SPSB1: variants seen among roughly 807,000 people sequenced by gnomAD.
SPSB1 encodes the protein SPRY domain-containing SOCS box protein 1.
Under a neutral mutation model 21.2 loss-of-function variants are expected in SPSB1, and 8 were observed. The observed-to-expected ratio is 0.38, with a 90% CI of 0.22 to 0.68. The LOEUF is 0.68. Ranked by LOEUF, SPSB1 falls within the 30% of genes least tolerant of loss-of-function variation. The pLI is 0.53. For missense variants in SPSB1, 242 were observed against 377.8 expected (o/e 0.64, Z 2.98); for synonymous variants, 169 against 161.7 (o/e 1.05, Z -0.34).
At chr1:9,359,872 C>A (rs1640441273) in intron 2 of SPSB1, among the ~76,000 whole-genome samples, 1 of 150,278 alleles carries the variant, frequency 6.7e-6, no homozygotes. Flanking sequence ...CGGGGGCGGC[C>A]CGGTTCCGGG....
intron 1 of SPSB1, 106 bp from the exon 2 acceptor site, chr1:9,355,637 G>A (rs1414643800): frequency 3.3e-6 from 4 of 1,194,894 alleles, no homozygotes; most frequent in Non-Finnish European, 3.2e-6. Context: ...CAGAGCCCAG[G>A]TGCAGGCTGC....
At chr1:9,310,205 C>A (rs1371544907) in intron 1 of SPSB1, among the ~76,000 whole-genome samples, 1 of 152,044 alleles carries the variant, frequency 6.6e-6, no homozygotes, top group East Asian at 1.9e-4. Flanking sequence ...CCTGCACCTG[C>A]CGTGGGAAGG....
intron 2 of SPSB1, among the ~76,000 whole-genome samples, chr1:9,359,850 G>GGT (rs1553128814): frequency 2.6e-5 from 4 of 151,192 alleles, no homozygotes; most frequent in African/African-American, 4.9e-5. Context: ...TGGAAGCCGG[G>GGT]GGGGTGGGTG....
rs1640372500 is a variant in SPSB1 at position 9,356,882 on chromosome 1, ATGAG to A, written c.694+301_694+304del. On this transcript the variant is annotated intron_variant, in intron 2 of 2. Transcript: ENST00000328089. This position sits in a 1 kb window ranked among gnomAD's most constrained non-coding sequence, Gnocchi z 7.4. ...GGATGGATGATGAATAGATGGATAG[ATGAG>A]TGAATAATGGATGGATGCGTGTATA... Among the ~76,000 whole-genome samples, 1 of 151,990 alleles carries A rather than the reference ATGAG, an allele frequency of 6.6e-6. No individual in the cohort carries two copies. The highest frequency in any genetic ancestry group is 1.5e-5 in the Non-Finnish European group (1 of 67,986).
At chr1:9,322,819 C>T (rs1010284117) in intron 1 of SPSB1, among the ~76,000 whole-genome samples, 3 of 152,208 alleles carry the variant, frequency 2.0e-5, no homozygotes, top group African/African-American at 2.4e-5. Context: ...GCAGCCCTGA[C>T]GTGTAGGGAA....
chr1:9,300,118 G>A (rs907017401), intron 1 of SPSB1, among the ~76,000 whole-genome samples: 1 of 152,078 alleles, frequency 6.6e-6, no homozygotes, highest in African/African-American at 2.4e-5. Context: ...ACTGAAATTC[G>A]GGGACCTTCT....
chr1:9,329,840 C>T (rs775647147), intron 1 of SPSB1, among the ~76,000 whole-genome samples: 8 of 151,932 alleles, frequency 5.3e-5, no homozygotes, highest in East Asian at 1.9e-4. Context: ...TAGAAGAGAG[C>T]GTTCTGTGGG....
At position 9,356,841 on chromosome 1, in the gene SPSB1, G is replaced by T. The variant is rs1410153313; in HGVS notation, c.694+256G>T. ...ATGGATGATGAATGAATAGATGGAT[G>T]AATGATTGGTTGGATGGATGGATGA... On this transcript the variant is annotated intron_variant, in intron 2 of 2. Transcript: ENST00000328089. The surrounding 1 kb of genome is among the most constrained non-coding windows in gnomAD (Gnocchi z 7.4). Among the ~76,000 whole-genome samples, 1 of 152,194 alleles carries T rather than the reference G, an allele frequency of 6.6e-6. No individual in the cohort carries two copies. Among genetic ancestry groups the T allele is most frequent in the East Asian group, 1.9e-4 (1 of 5,196 alleles).
At chr1:9,308,832 C>T (rs1457144982) in intron 1 of SPSB1, among the ~76,000 whole-genome samples, 4 of 152,174 alleles carry the variant, frequency 2.6e-5, no homozygotes, top group East Asian at 1.9e-4. Context: ...TTTTCTACTG[C>T]GACAGTGGAA....
chr1:9,320,111 G>A (rs1639692986), intron 1 of SPSB1, among the ~76,000 whole-genome samples: 2 of 152,306 alleles, frequency 1.3e-5, no homozygotes, highest in South Asian at 4.1e-4. Flanking sequence ...CAGGTGTCCA[G>A]GCGTCTGCTT....
At chr1:9,357,101 A>ATGAG (rs1237210689) in intron 2 of SPSB1, among the ~76,000 whole-genome samples, 2 of 91,736 alleles carry the variant, frequency 2.2e-5, no homozygotes, top group Non-Finnish European at 4.8e-5. Flanking sequence ...GGATGGATGG[A>ATGAG]TGGATGGATG....
chr1:9,297,709 T>C (rs907041860), intron 1 of SPSB1, among the ~76,000 whole-genome samples: 7 of 152,184 alleles, frequency 4.6e-5, no homozygotes, highest in Non-Finnish European at 1.0e-4. Flanking sequence ...GATGACCCAC[T>C]GTGAGTAAGT....
intron 1 of SPSB1, among the ~76,000 whole-genome samples, chr1:9,296,720 T>C (rs1023324354): frequency 6.6e-6 from 1 of 152,166 alleles, no homozygotes; most frequent in Admixed American, 6.6e-5. Flanking sequence ...AAGCATCACA[T>C]CTCAAAGAGG....
Position 9,312,445 on chromosome 1 carries a change from C to T in SPSB1, c.-150+19374C>T, listed in dbSNP as rs542901957. ...CTGTGGAGGTATTATGCACACGCCA[C>T]GCAGTTCGCCTATTGTAAATGTACA... On this transcript the variant is annotated intron_variant, in intron 1 of 2. Coordinates refer to ENST00000328089, the MANE Select transcript of SPSB1 (RefSeq NM_025106.4). Among the ~76,000 whole-genome samples, 7 of 152,256 alleles carry T rather than the reference C, an allele frequency of 4.6e-5. No homozygotes were observed. The East Asian group carries it at 1.2e-3, about 25-fold the overall frequency.
At chr1:9,362,298 G>C (rs1434071249) in intron 2 of SPSB1, among the ~76,000 whole-genome samples, 2 of 152,198 alleles carry the variant, frequency 1.3e-5, no homozygotes, top group African/African-American at 2.4e-5. Flanking sequence ...CAGAGTTTGG[G>C]GGGGATAGGG....
chr1:9,294,301 C>T (rs922074837), intron 1 of SPSB1, among the ~76,000 whole-genome samples: 10 of 147,522 alleles, frequency 6.8e-5, no homozygotes, highest in African/African-American at 2.0e-4. Context: ...TCTCTGAGTG[C>T]GTCTGTGTAT....
rs1472504334 is a variant in SPSB1, at chr1:9,356,702, G to T, written c.694+117G>T. On this transcript the variant is annotated intron_variant, in intron 2 of 2. Transcript: ENST00000328089. This position sits in a 1 kb window ranked among gnomAD's most constrained non-coding sequence, Gnocchi z 7.4. Reference sequence around the variant, plus strand: ...AGAGTGTTTTGAAGACGATATTCCAGTGTATTCAGACCCTCAGAGGCAACT... The same window carrying T: ...AGAGTGTTTTGAAGACGATATTCCATTGTATTCAGACCCTCAGAGGCAACT... The T allele has an allele frequency of 1.4e-6, 2 of 1,445,408 alleles. No individual in the cohort carries two copies. The highest frequency in any genetic ancestry group is 1.4e-5 in the African/African-American group (1 of 70,558). 89.5% of individuals were successfully genotyped at this position (1,445,408 alleles called of 1,614,324 possible).
intron 1 of SPSB1, among the ~76,000 whole-genome samples, chr1:9,353,315 C>G (rs750821393): frequency 2.6e-5 from 4 of 152,118 alleles, no homozygotes; most frequent in Non-Finnish European, 4.4e-5. Context: ...CCAGACCCAG[C>G]TCTCTCCCCC....
chr1:9,332,901 G>A (rs1293053842), intron 1 of SPSB1, among the ~76,000 whole-genome samples: 5 of 152,192 alleles, frequency 3.3e-5, no homozygotes, highest in East Asian at 1.9e-4. Flanking sequence ...AGAGGGTGAC[G>A]GAGACCACAG....
Sources: allele counts gnomAD v4.1 joint callset (sites outside exome capture counted in the v4.1 genomes callset), GRCh38; gene constraint gnomAD v4.1.1; non-coding constraint Gnocchi (gnomAD v3.1); transcripts MANE v1.5; gene names NCBI Gene and HGNC (gene_info 2026-07-23, HGNC 2026-07-21).